The following CPE variants were observed in gnomAD, a reference collection of about 807,000 sequenced individuals.
The protein encoded by CPE is carboxypeptidase E.
CPE carries 17 observed loss-of-function variants against 53.5 expected under a neutral mutation model. That is an observed-to-expected ratio of 0.32 (90% CI 0.22 to 0.48). The LOEUF is 0.48. Among genes scored for constraint, CPE ranks in the 20% least tolerant of loss-of-function variants. CPE has a pLI of 0.99. For missense variants in CPE, 524 were observed against 614.7 expected (o/e 0.85, Z 1.56); for synonymous variants, 226 against 228.8 (o/e 0.99, Z 0.11).
chr4:165,449,695 AT>A (rs1731775552), intron 1 of CPE, among the ~76,000 whole-genome samples: 1 of 150,738 alleles, frequency 6.6e-6, no homozygotes, highest in Admixed American at 6.6e-5. Context: ...TTCATGTAAA[AT>A]TTTTCTGGTA....
At chr4:165,404,939 G>T (rs574876215) in intron 1 of CPE, 12 of 759,146 alleles carry the variant, frequency 1.6e-5, no homozygotes, top group South Asian at 1.5e-4. Context: ...TGTGTTACTA[G>T]CAAAGACGTA....
intron 5 of CPE, among the ~76,000 whole-genome samples, chr4:165,485,265 A>C (rs1169247829): frequency 6.6e-6 from 1 of 152,174 alleles, no homozygotes; most frequent in East Asian, 1.9e-4. Context: ...CTCAAGGATG[A>C]AGAGTGAAAT....
At chr4:165,437,965 G>T (rs1388585933) in intron 1 of CPE, among the ~76,000 whole-genome samples, 2 of 152,066 alleles carry the variant, frequency 1.3e-5, no homozygotes, top group Non-Finnish European at 2.9e-5. Context: ...TGTCTGGAGG[G>T]GTGGAAGAGA....
At chr4:165,494,086 A>C (rs1213205713) in intron 7 of CPE, among the ~76,000 whole-genome samples, 1 of 152,192 alleles carries the variant, frequency 6.6e-6, no homozygotes, top group East Asian at 1.9e-4. Flanking sequence ...TGGATTAAAA[A>C]AAAATCTTTA....
chr4:165,493,330 T>A (rs1732641950), intron 7 of CPE, 60 bp downstream of exon 7: 3 of 1,171,840 alleles, frequency 2.6e-6, no homozygotes, highest in Non-Finnish European at 3.8e-6. Context: ...TTACTAATTA[T>A]CATAATTATA....
At chr4:165,401,542 C>T (rs931447403) in intron 1 of CPE, among the ~76,000 whole-genome samples, 5 of 152,114 alleles carry the variant, frequency 3.3e-5, no homozygotes, top group African/African-American at 7.2e-5. Context: ...GATTTATGTG[C>T]GGGTAAAATG....
Position 165,497,653 on chromosome 4 carries a change from A to C in CPE, c.*43A>C. Reference sequence around the variant, plus strand: ...TGCTTTAAATCTATCTATATAATGTAGTATGATGTAATGTGGTCTTTTTTT... The same window carrying C: ...TGCTTTAAATCTATCTATATAATGTCGTATGATGTAATGTGGTCTTTTTTT... On this transcript the variant is annotated 3_prime_UTR_variant, in exon 9 of 9. Coordinates refer to ENST00000402744, the MANE Select transcript of CPE (RefSeq NM_001873.4). The C allele has an allele frequency of 9.0e-7, 1 of 1,113,892 alleles. No individual in the cohort carries two copies. Among genetic ancestry groups the C allele is most frequent in the East Asian group, 2.7e-5 (1 of 36,414 alleles). 69.0% of individuals were successfully genotyped at this position (1,113,892 alleles called of 1,614,324 possible). A position where few individuals can be genotyped will look rare whatever the true frequency, so the allele number is the denominator to read the frequency against.
chr4:165,406,844 C>T (rs556598767), intron 1 of CPE, among the ~76,000 whole-genome samples: 12 of 152,338 alleles, frequency 7.9e-5, no homozygotes, highest in Non-Finnish European at 1.6e-4. Context: ...CTAGACATTT[C>T]ATATAAATCA....
intron 1 of CPE, among the ~76,000 whole-genome samples, chr4:165,395,971 A>G (rs927669599): frequency 2.6e-5 from 4 of 152,200 alleles, no homozygotes; most frequent in African/African-American, 9.7e-5. Context: ...CGGTTATTCT[A>G]AGACCACTGC....
At chr4:165,493,110 A>T in intron 6 of CPE, 61 bp from the exon 7 acceptor site, 1 of 1,036,204 alleles carries the variant, frequency 9.7e-7, no homozygotes, top group Non-Finnish European at 1.5e-6. Context: ...AAACATATTT[A>T]AGGCCATTTC....
chr4:165,391,265 A>T (rs75404918), intron 1 of CPE, among the ~76,000 whole-genome samples: 3,243 of 152,282 alleles, frequency 0.021, 123 homozygotes, highest in African/African-American at 0.074. Context: ...ATGAATGTAC[A>T]GAAGAGTGAG....
intron 8 of CPE, among the ~76,000 whole-genome samples, chr4:165,496,958 T>C (rs1304221407): frequency 2.6e-5 from 4 of 152,238 alleles, no homozygotes; most frequent in Admixed American, 1.3e-4. Context: ...AGTCTTGCTC[T>C]GTCGCCCAGG....
intron 1 of CPE, among the ~76,000 whole-genome samples, chr4:165,416,211 C>T (rs575623305): frequency 9.9e-4 from 151 of 151,842 alleles, no homozygotes; most frequent in Non-Finnish European, 1.4e-3. Flanking sequence ...AAGTTACACA[C>T]GATCTTCTAA....
intron 6 of CPE, among the ~76,000 whole-genome samples, chr4:165,488,514 C>T (rs1035168299): frequency 3.9e-5 from 6 of 152,140 alleles, no homozygotes; most frequent in African/African-American, 1.4e-4. Context: ...GTGGAAAGAC[C>T]TAAGACTCTG....
chr4:165,490,541 G>A (rs1732582567), intron 6 of CPE, among the ~76,000 whole-genome samples: 1 of 149,352 alleles, frequency 6.7e-6, no homozygotes, highest in Non-Finnish European at 1.5e-5. Flanking sequence ...GCTGAGGCAG[G>A]AGAATGGCAT....
At chr4:165,383,490 A>G (rs1343967283) in intron 1 of CPE, among the ~76,000 whole-genome samples, 3 of 152,188 alleles carry the variant, frequency 2.0e-5, no homozygotes, top group Non-Finnish European at 4.4e-5. Flanking sequence ...TTAAAACACT[A>G]TTTCTTTTAC....
At chr4:165,489,815 A>G (rs1234221627) in intron 6 of CPE, among the ~76,000 whole-genome samples, 1 of 152,252 alleles carries the variant, frequency 6.6e-6, no homozygotes, top group African/African-American at 2.4e-5. Context: ...ATTTATATAT[A>G]AATAAGCTAA....
At chr4:165,465,415 T>C (rs946615484) in intron 2 of CPE, among the ~76,000 whole-genome samples, 4 of 151,976 alleles carry the variant, frequency 2.6e-5, no homozygotes, top group Non-Finnish European at 5.9e-5. Flanking sequence ...TCTAGTAATA[T>C]ATAAAATTAA....
intron 1 of CPE, among the ~76,000 whole-genome samples, chr4:165,452,109 C>T (rs928954376): frequency 1.3e-5 from 2 of 152,012 alleles, no homozygotes; most frequent in Non-Finnish European, 2.9e-5. Context: ...TAAAGTGGAT[C>T]TCACAGAAGG....
Sources: gnomAD v4.1 joint callset for allele counts (sites outside exome capture counted in the v4.1 genomes callset) on GRCh38, gnomAD v4.1.1 for gene constraint, MANE v1.5 for transcripts, NCBI Gene and HGNC (gene_info 2026-07-23, HGNC 2026-07-21) for gene names.